TOGARAM2: variants seen among roughly 807,000 people sequenced by gnomAD.
TOGARAM2 encodes TOG array regulator of axonemal microtubules protein 2.
Under a neutral mutation model 93.3 loss-of-function variants are expected in TOGARAM2, and 85 were observed. The ratio of observed to expected loss-of-function variants is 0.91; its 90% CI spans 0.76 to 1.09. The LOEUF (loss-of-function observed/expected upper bound fraction) is 1.09. Ranked by LOEUF, TOGARAM2 falls within the 50% of genes least tolerant of loss-of-function variation. The probability of loss-of-function intolerance (pLI) is 0.00; values close to 1 mark genes in which losing one functional copy is unlikely to be tolerated. For missense variants in TOGARAM2, 1,277 were observed against 1,334.5 expected, an observed-to-expected ratio of 0.96 and a Z score of 0.67; for synonymous variants, 593 against 552.8, an observed-to-expected ratio of 1.07 and a Z score of -1.02.
intron 1 of TOGARAM2, among the ~76,000 whole-genome samples, chr2:28,973,439 TCC>T (rs1491472938): frequency 6.3e-4 from 13 of 20,614 alleles, no homozygotes; most frequent in African/African-American, 1.4e-3. Flanking sequence ...TTCCTTCCCT[TCC>T]CCTTCCTTCC....
intron 6 of TOGARAM2, among the ~76,000 whole-genome samples, chr2:29,007,694 C>T (rs1169330002): frequency 1.3e-5 from 2 of 152,120 alleles, no homozygotes; most frequent in Non-Finnish European, 2.9e-5. Flanking sequence ...AATGGCGGGT[C>T]CTTTGTGTCA....
At chr2:29,035,683 C>T (rs1441569434) in intron 17 of TOGARAM2, 27 bp downstream of exon 17, 4 of 1,365,918 alleles carry the variant, frequency 2.9e-6, no homozygotes, top group African/African-American at 2.9e-5. Flanking sequence ...TTTACTCTCC[C>T]ACCTGTCTCT....
At chr2:29,004,006 A>G (rs13028837) in intron 6 of TOGARAM2, among the ~76,000 whole-genome samples, 111,221 of 152,112 alleles carry the variant, frequency 0.73, 42,404 homozygotes, top group Non-Finnish European at 0.85. Context: ...TCTCATATAT[A>G]TAATTTTGAG....
chr2:28,966,599 T>C (rs1458387993), intron 1 of TOGARAM2, among the ~76,000 whole-genome samples: 1 of 152,178 alleles, frequency 6.6e-6, no homozygotes, highest in East Asian at 1.9e-4. Flanking sequence ...CCTGGCCAAA[T>C]TATTGTAATA....
intron 6 of TOGARAM2, among the ~76,000 whole-genome samples, chr2:29,005,038 ATGTGTGTGCATGTGTATG>A (rs1673595899): frequency 7.3e-5 from 1 of 13,742 alleles, no homozygotes; most frequent in Admixed American, 1.2e-3. Context: ...ATGTGAGTGC[ATGTGTGTGCATGTGTATG>A]TGTGTGAGTG....
chr2:29,020,819 T>A (rs1664895701), intron 10 of TOGARAM2, among the ~76,000 whole-genome samples: 1 of 152,198 alleles, frequency 6.6e-6, no homozygotes, highest in Admixed American at 6.5e-5. Context: ...AGAGAGTGAC[T>A]GAAATAACTG....
rs114382664 is a variant in TOGARAM2, at chr2:28,981,441, C to G, written c.-208C>G. On this transcript the variant is annotated 5_prime_UTR_variant, in exon 1 of 20. Transcript: ENST00000379558. ...GGGTGGGCCAGGCCTGGGGCTGCCCCGTCCTTGCCTCCCTGGGCCCATGAG... is the reference window on the plus strand; with the variant it reads ...GGGTGGGCCAGGCCTGGGGCTGCCCGGTCCTTGCCTCCCTGGGCCCATGAG... The G allele has an allele frequency of 1.3e-5, 2 of 152,410 alleles. No homozygotes were observed. Among genetic ancestry groups the G allele is most frequent in the African/African-American group, 4.8e-5 (2 of 41,472 alleles). The allele number at this position is 152,410 out of a possible 1,614,324, so 9.4% of individuals were successfully genotyped here.
chr2:28,986,653 C>T (rs182420617), intron 1 of TOGARAM2, among the ~76,000 whole-genome samples: 1 of 152,224 alleles, frequency 6.6e-6, no homozygotes, highest in African/African-American at 2.4e-5. Flanking sequence ...GAAGGACCTC[C>T]TGCTGCACAA....
chr2:29,037,247 T>A (rs777305745), intron 18 of TOGARAM2, among the ~76,000 whole-genome samples: 13 of 152,050 alleles, frequency 8.5e-5, no homozygotes, highest in Non-Finnish European at 1.3e-4. Context: ...TTAAGGGAAA[T>A]GTTGGTGCAT....
At chr2:29,018,746 A>AT (rs1380742942) in intron 10 of TOGARAM2, among the ~76,000 whole-genome samples, 1 of 151,874 alleles carries the variant, frequency 6.6e-6, no homozygotes, top group Non-Finnish European at 1.5e-5. Flanking sequence ...TATTTTTATT[A>AT]TTTTTTATAA....
chr2:28,983,722 G>A (rs1346134933), intron 1 of TOGARAM2, among the ~76,000 whole-genome samples: 2 of 152,108 alleles, frequency 1.3e-5, no homozygotes, highest in African/African-American at 4.8e-5. Flanking sequence ...GCTTTATCAG[G>A]TAAAGCCAGA....
chr2:29,038,465 GGTTTTT>G (rs541207550), intron 18 of TOGARAM2, among the ~76,000 whole-genome samples: 13 of 152,052 alleles, frequency 8.5e-5, no homozygotes, highest in African/African-American at 1.9e-4. Flanking sequence ...AAAATATACT[GGTTTTT>G]GTTTTTGTTT....
chr2:29,023,650 G>A (rs1295482850), intron 12 of TOGARAM2, among the ~76,000 whole-genome samples: 1 of 152,120 alleles, frequency 6.6e-6, no homozygotes, highest in Non-Finnish European at 1.5e-5. Flanking sequence ...GTGGGGGTGG[G>A]GTGGGGATGA....
rs1189302482 is a variant in TOGARAM2 at position 29,051,879 on chromosome 2, TC to T, written c.2848del (p.Arg950AlafsTer38). 4 of 1,574,322 alleles carry T rather than the reference TC, an allele frequency of 2.5e-6. No individual in the cohort carries two copies. In the Admixed American group the frequency reaches 7.4e-5, roughly 29 times the overall value. ...NGTLPGPSGN[I>X]RGVVCRLSRS... ...ACCCTGCCTGGACCCAGCGGGAACA[TC>T]CGCGGGGTGGTGTGCCGGCTGTCCA... On this transcript the variant is annotated frameshift_variant, in exon 20 of 20. Transcript: ENST00000379558. LOFTEE classifies it low-confidence loss of function (END_TRUNC).
At chr2:29,015,165 G>T (rs1205221282) in intron 8 of TOGARAM2, among the ~76,000 whole-genome samples, 6 of 151,060 alleles carry the variant, frequency 4.0e-5, no homozygotes, top group African/African-American at 1.2e-4. Flanking sequence ...GGCCTCCTGG[G>T]TGCATATTCT....
intron 1 of TOGARAM2, among the ~76,000 whole-genome samples, chr2:28,966,668 GC>G (rs1259014423): frequency 1.3e-5 from 2 of 152,140 alleles, no homozygotes; most frequent in Admixed American, 6.5e-5. Flanking sequence ...AATAACAATT[GC>G]AGCAAGAATT....
At chr2:29,006,434 A>G (rs1199183960) in intron 6 of TOGARAM2, among the ~76,000 whole-genome samples, 2 of 130,148 alleles carry the variant, frequency 1.5e-5, no homozygotes, top group Admixed American at 7.8e-5. Context: ...GTGTGTGTGC[A>G]TGTGTGTGCA....
At chr2:28,978,583 G>A (rs890686498), upstream of TOGARAM2, among the ~76,000 whole-genome samples, 1 of 152,218 alleles carries the variant, frequency 6.6e-6, no homozygotes, top group African/African-American at 2.4e-5. Flanking sequence ...AGCATGGAAA[G>A]TTATAGAATG....
At chr2:29,028,580 A>G (rs180908877) in intron 14 of TOGARAM2, among the ~76,000 whole-genome samples, 101 of 152,136 alleles carry the variant, frequency 6.6e-4, no homozygotes, top group African/African-American at 2.3e-3. Flanking sequence ...CTTATTAATA[A>G]TGAGTTTGAG....
Sources: allele counts gnomAD v4.1 joint callset (sites outside exome capture counted in the v4.1 genomes callset), GRCh38; gene constraint gnomAD v4.1.1; transcripts MANE v1.5; gene names NCBI Gene and HGNC (gene_info 2026-07-23, HGNC 2026-07-21).